The following PABIR2 variants were observed in gnomAD, a reference collection of about 807,000 sequenced individuals.
PABIR2 encodes the protein family with sequence similarity 122B.
PABIR2 carries 7 observed loss-of-function variants against 22.8 expected under a neutral mutation model. That is an observed-to-expected ratio of 0.31 (90% CI 0.17 to 0.58). The LOEUF is 0.58. Among genes scored for constraint, PABIR2 ranks in the 20% least tolerant of loss-of-function variants. PABIR2 has a pLI of 0.89. For missense variants in PABIR2, 155 were observed against 205.1 expected, an observed-to-expected ratio of 0.76 and a Z score of 1.49; for synonymous variants, 67 against 73.8, an observed-to-expected ratio of 0.91 and a Z score of 0.47.
intron 8 of PABIR2, among the ~76,000 whole-genome samples, chrX:134,785,122 TA>T (rs902784043): frequency 9.8e-5 from 11 of 112,116 alleles, no homozygotes; most frequent in Middle Eastern, 4.2e-3. Flanking sequence ...AATATATGAA[TA>T]AAACTGTTAT....
intron 9 of PABIR2, among the ~76,000 whole-genome samples, chrX:134,777,378 C>G (rs2079007206): frequency 9.0e-6 from 1 of 110,795 alleles, no homozygotes; most frequent in Non-Finnish European, 1.9e-5. Flanking sequence ...ACAGAAAAAT[C>G]AGCTGGGCGT....
In PABIR2 at chrX:134,790,454, C is replaced by T. The variant is rs2079512947; in HGVS notation, c.178-818G>A. On this transcript the variant is annotated intron_variant, in intron 2 of 9. Coordinates refer to ENST00000343004, the MANE Select transcript of PABIR2 (RefSeq NM_001387468.1). ...TACTATAAAACCAAATAACAATTAT[C>T]CTGTTTAAGAGGCCCTACACTATTA... 1.1e-4 allele frequency among the ~76,000 whole-genome samples: 12 copies of T among 112,493 alleles called. No homozygotes were observed. The Admixed American group carries it at 1.1e-3, about 11-fold the overall frequency.
At chrX:134,787,430 T>C (rs957134331) in intron 7 of PABIR2, 42 bp downstream of exon 7, 1 of 1,158,947 alleles carries the variant, frequency 8.6e-7, no homozygotes, top group African/African-American at 1.8e-5. Flanking sequence ...ATAAATGTAA[T>C]GAATGGTACT....
At chrX:134,788,001 CTGTG>C (rs1446492329) in intron 6 of PABIR2, among the ~76,000 whole-genome samples, 1 of 106,633 alleles carries the variant, frequency 9.4e-6, no homozygotes, top group Non-Finnish European at 1.9e-5. Context: ...GCTTGGCTGT[CTGTG>C]TGTCTCATAA....
intron 9 of PABIR2, among the ~76,000 whole-genome samples, chrX:134,775,379 G>C (rs1452945317): frequency 9.2e-6 from 1 of 108,988 alleles, no homozygotes; most frequent in East Asian, 2.9e-4. Context: ...TTAGCCAGGC[G>C]TGGTGGCGGG....
intron 9 of PABIR2, among the ~76,000 whole-genome samples, chrX:134,773,933 C>T (rs2078898956): frequency 1.8e-5 from 2 of 111,691 alleles, no homozygotes; most frequent in South Asian, 7.5e-4. Flanking sequence ...TATATCACCC[C>T]CACCCTTGCT....
intron 8 of PABIR2, among the ~76,000 whole-genome samples, chrX:134,782,247 TCA>T (rs1306162805): frequency 8.9e-6 from 1 of 111,935 alleles, no homozygotes; most frequent in African/African-American, 3.2e-5. Flanking sequence ...TAACTGAAAC[TCA>T]CAGTCAATAT....
intron 9 of PABIR2, among the ~76,000 whole-genome samples, chrX:134,781,280 G>A (rs1267533444): frequency 4.4e-5 from 5 of 112,664 alleles, no homozygotes; most frequent in Non-Finnish European, 9.4e-5. Flanking sequence ...CCCTTCATGG[G>A]GGCATGGATA....
At chrX:134,778,230 C>A (rs1345467546) in intron 9 of PABIR2, among the ~76,000 whole-genome samples, 6 of 100,378 alleles carry the variant, frequency 6.0e-5, no homozygotes, top group African/African-American at 2.1e-4. Flanking sequence ...TCGGGCCGGG[C>A]GTGGTGGCTC....
intron 9 of PABIR2, among the ~76,000 whole-genome samples, chrX:134,772,506 G>C (rs1393374006): frequency 9.0e-6 from 1 of 111,548 alleles, no homozygotes; most frequent in African/African-American, 3.3e-5. Context: ...CCCCCCTAGA[G>C]GCACCAGACC....
chrX:134,790,336 C>T (rs747197328), intron 2 of PABIR2, among the ~76,000 whole-genome samples: 14 of 112,097 alleles, frequency 1.2e-4, no homozygotes, highest in African/African-American at 4.2e-4. Flanking sequence ...AACTGTAAGA[C>T]ACAATTCATA....
intron 9 of PABIR2, among the ~76,000 whole-genome samples, chrX:134,773,709 A>C (rs1304654033): frequency 8.9e-6 from 1 of 112,121 alleles, no homozygotes; most frequent in Non-Finnish European, 1.9e-5. Context: ...GAATTGGAGA[A>C]GGAATTATGA....
chrX:134,794,585 G>A (rs903722412), intron 1 of PABIR2, among the ~76,000 whole-genome samples: 3 of 112,071 alleles, frequency 2.7e-5, no homozygotes, highest in African/African-American at 9.7e-5. Flanking sequence ...TGGGAGATGA[G>A]ATGCTTCTTG....
chrX:134,771,803 G>A lies in PABIR2; in HGVS notation c.*336C>T, dbSNP rs781178955. On this transcript the variant is annotated 3_prime_UTR_variant, in exon 10 of 10. Transcript: ENST00000343004. The stretch of plus-strand genomic sequence containing the variant: ...ACTGCTGCGGAAAAGGACCATTAAA[G>A]GCAATACACATCAGTGCCTTTCTTA... The A allele has an allele frequency of 3.6e-6, 3 of 831,023 alleles. No homozygotes were observed. The South Asian group carries it at 1.9e-4, about 53-fold the overall frequency. 68.5% of individuals were successfully genotyped at this position (831,023 alleles called of 1,213,427 possible).
At chrX:134,795,502 C>T (rs187788958) in intron 1 of PABIR2, among the ~76,000 whole-genome samples, 1 of 111,424 alleles carries the variant, frequency 9.0e-6, no homozygotes, top group Non-Finnish European at 1.9e-5. Context: ...ATTGAAGAGT[C>T]GATTCTCTCC....
chrX:134,778,909 T>A (rs2079078808), intron 9 of PABIR2, among the ~76,000 whole-genome samples: 1 of 109,771 alleles, frequency 9.1e-6, no homozygotes, highest in Non-Finnish European at 1.9e-5. Flanking sequence ...GCCTCCCGGG[T>A]TCACGCCATT....
At chrX:134,773,320 A>G (rs890713562) in intron 9 of PABIR2, among the ~76,000 whole-genome samples, 1 of 110,044 alleles carries the variant, frequency 9.1e-6, no homozygotes, top group Non-Finnish European at 1.9e-5. Context: ...CACACTAGAT[A>G]TTAGAAATAC....
chrX:134,775,060 C>A (rs1403799614), intron 9 of PABIR2, among the ~76,000 whole-genome samples: 1 of 112,174 alleles, frequency 8.9e-6, no homozygotes, highest in Non-Finnish European at 1.9e-5. Context: ...CTAGCTTAAG[C>A]TCTGATGGAA....
chrX:134,787,780 T>C (rs1298837547), intron 6 of PABIR2, among the ~76,000 whole-genome samples: 4 of 104,658 alleles, frequency 3.8e-5, no homozygotes, highest in African/African-American at 1.4e-4. Flanking sequence ...CATGCCCGAC[T>C]AATTTTTTTG....
Sources: gnomAD v4.1 joint callset for allele counts (sites outside exome capture counted in the v4.1 genomes callset) on GRCh38, gnomAD v4.1.1 for gene constraint, MANE v1.5 for transcripts, NCBI Gene and HGNC (gene_info 2026-07-23, HGNC 2026-07-21) for gene names.